PCSK1N: variants seen among roughly 807,000 people sequenced by gnomAD.
The protein encoded by PCSK1N is proprotein convertase subtilisin/kexin type 1 inhibitor, also known as proSAAS.
In PCSK1N, 8 loss-of-function variants were observed where a neutral mutation model predicts 10.6. That is an observed-to-expected ratio of 0.76 (90% CI 0.44 to 1.37). The LOEUF (loss-of-function observed/expected upper bound fraction) is 1.37, where lower values mean the gene tolerates loss of function less well. Among genes scored for constraint, PCSK1N ranks in the 40% most tolerant of loss-of-function variants. The pLI, the probability that PCSK1N is intolerant of heterozygous loss-of-function variation, is 0.00. For missense variants in PCSK1N, 301 were observed against 268.5 expected (o/e 1.12, Z -0.84); for synonymous variants, 143 against 137.1 (o/e 1.04, Z -0.30).
chrX:48,831,967 C>A lies in PCSK1N; in HGVS notation c.489G>T (p.Ala163=). The A allele has an allele frequency of 9.4e-7, 1 of 1,062,316 alleles. No individual in the cohort carries two copies. Among genetic ancestry groups the A allele is most frequent in the Non-Finnish European group, 1.2e-6 (1 of 830,542 alleles). The allele number at this position is 1,062,316 out of a possible 1,213,427, so 87.5% of individuals were successfully genotyped here. The change falls in exon 2 of 3, where the codon GCG becomes GCT. Residue 163 remains alanine, a synonymous_variant. Transcript: ENST00000218230. The part of the protein sequence containing the change: ...QLVPAPVPAA[A]LRPRPPVYDD... ...CGTAGACCGGGGGCCGGGGTCGGAG[C>A]GCCGCGGCGGGGACGGGCGCGGGGA...
rs2063184572 is a variant in PCSK1N, at chrX:48,835,589, C to A, written c.-57G>T. ...GGACTGGCTGGCAAGTGCGCAGTGC[C>A]GGGGCGAGCTGGCGAGGCTGCGGCG... On this transcript the variant is annotated 5_prime_UTR_variant, in exon 1 of 3. Coordinates refer to ENST00000218230, the MANE Select transcript of PCSK1N (RefSeq NM_013271.5). 1 of 508,253 alleles carries A rather than the reference C, an allele frequency of 2.0e-6. No homozygotes were observed. The highest frequency in any genetic ancestry group is 1.1e-4 in the South Asian group (1 of 8,995). 41.9% of individuals were successfully genotyped at this position (508,253 alleles called of 1,213,427 possible). A position where few individuals can be genotyped will look rare whatever the true frequency, so the allele number is the denominator to read the frequency against.
chrX:48,831,907 T>C lies in PCSK1N; in HGVS notation c.549A>G (p.Ala183=), dbSNP rs1557033458. The C allele has an allele frequency of 1.8e-6, 2 of 1,090,276 alleles. No individual in the cohort carries two copies. The highest frequency in any genetic ancestry group is 6.8e-5 in the Admixed American group (2 of 29,562). The allele number at this position is 1,090,276 out of a possible 1,213,427, so 89.9% of individuals were successfully genotyped here. The change falls in exon 2 of 3, where the codon GCA becomes GCG. Residue 183 remains alanine (A), a synonymous_variant. Coordinates refer to ENST00000218230, the MANE Select transcript of PCSK1N (RefSeq NM_013271.5). ...GGTCCACGTCGGGTGTCTCGTCGCCTGCCTCCTCAGCATCCGGGCCCGCGG... is the reference window on the plus strand; with the variant it reads ...GGTCCACGTCGGGTGTCTCGTCGCCCGCCTCCTCAGCATCCGGGCCCGCGG... ...DGPAGPDAEE[A]GDETPDVDPE...
chrX:48,832,517 G>A (rs1189460573), intron 1 of PCSK1N, among the ~76,000 whole-genome samples, 176 bp from the exon 2 acceptor site: 3 of 108,718 alleles, frequency 2.8e-5, no homozygotes, highest in Non-Finnish European at 5.7e-5. Context: ...ATCTCCAGAC[G>A]CACTTAAGAC....
Position 48,831,313 on chromosome X carries a change from G to A in PCSK1N, c.730C>T (p.Arg244Cys). Residue 244 changes from arginine to cysteine, a missense_variant, in exon 3 of 3, where the codon CGC becomes TGC. Coordinates refer to ENST00000218230, the MANE Select transcript of PCSK1N (RefSeq NM_013271.5). The stretch of plus-strand genomic sequence containing the variant: ...ACCTGGGGCGCCGGGGTCTCTAGGC[G>A]TTTCACACGCAGCAGCGCCCCCAGC... ...GVLGALLRVKRLETPAPQVPA... is the reference protein window; with the variant it reads ...GVLGALLRVKCLETPAPQVPA... 1 of 1,176,890 alleles carries A rather than the reference G, an allele frequency of 8.5e-7. No homozygotes were observed. Among genetic ancestry groups the A allele is most frequent in the Non-Finnish European group, 1.1e-6 (1 of 879,662 alleles).
In PCSK1N at chrX:48,832,187, C is replaced by T; in HGVS notation, c.269G>A (p.Arg90Gln). 8.6e-7 allele frequency: 1 copy of T among 1,156,452 alleles called. No homozygotes were observed. Among genetic ancestry groups the T allele is most frequent in the Non-Finnish European group, 1.1e-6 (1 of 874,633 alleles). Reference protein sequence around the residue: ...AHLLEAERQERARAEAQEAED... With the variant: ...AHLLEAERQEQARAEAQEAED... ...AGCCTCCTGCGCCTCGGCCCGCGCC[C>T]GCTCCTGACGTTCGGCCTCCAGCAG... Residue 90 changes from arginine to glutamine, a missense_variant, in exon 2 of 3, where the codon CGG becomes CAG. Coordinates refer to ENST00000218230, the MANE Select transcript of PCSK1N (RefSeq NM_013271.5).
In PCSK1N at chrX:48,831,245, GGATCCGGGCAGT is replaced by G; in HGVS notation, c.*3_*14del. ...GCACTTCTGGGTCCCAGGGTGCACGGGATCCGGGCAGTGCTCAGGGTGGCAAGAGGCGGCGTG... is the reference window on the plus strand; with the variant it reads ...GCACTTCTGGGTCCCAGGGTGCACGGGCTCAGGGTGGCAAGAGGCGGCGTG... On this transcript the variant is annotated 3_prime_UTR_variant, in exon 3 of 3. Transcript: ENST00000218230. The G allele has an allele frequency of 8.6e-7, 1 of 1,160,133 alleles. No individual in the cohort carries two copies. Among genetic ancestry groups the G allele is most frequent in the Non-Finnish European group, 1.2e-6 (1 of 868,764 alleles).
At position 48,831,323 on chromosome X, in the gene PCSK1N, C is replaced by G; in HGVS notation, c.720G>C (p.Leu240=). The G allele has an allele frequency of 8.5e-7, 1 of 1,170,253 alleles. No homozygotes were observed. Among genetic ancestry groups the G allele is most frequent in the Non-Finnish European group, 1.1e-6 (1 of 876,993 alleles). Residue 240 remains leucine, a synonymous_variant, in exon 3 of 3, where the codon CTG becomes CTC. Transcript: ENST00000218230. ...LPPEGVLGAL[L]RVKRLETPAP... is the part of the protein sequence containing the mutation. ...CCGGGGTCTCTAGGCGTTTCACACGCAGCAGCGCCCCCAGCACGCCCTCAG... is the reference window on the plus strand; with the variant it reads ...CCGGGGTCTCTAGGCGTTTCACACGGAGCAGCGCCCCCAGCACGCCCTCAG...
Position 48,833,227 on chromosome X carries a change from C to CA in PCSK1N, c.115-887dup, listed in dbSNP as rs34444676. 1.5e-4 allele frequency among the ~76,000 whole-genome samples: 17 copies of CA among 110,229 alleles called. No homozygotes were observed. The East Asian group carries it at 2.8e-3, about 18-fold the overall frequency. ...ACCCTGTCTCTACAAAAAATAAAAC[C>CA]AAAAAAAATGAGCGGGGCACAAGCC... On this transcript the variant is annotated intron_variant, in intron 1 of 2. Transcript: ENST00000218230.
Position 48,832,378 on chromosome X carries a change from G to A in PCSK1N, c.115-37C>T. 3 of 1,048,479 alleles carry A rather than the reference G, an allele frequency of 2.9e-6. No individual in the cohort carries two copies. The South Asian group carries it at 7.0e-5, about 24-fold the overall frequency. 86.4% of individuals were successfully genotyped at this position (1,048,479 alleles called of 1,213,427 possible). On this transcript the variant is annotated intron_variant, in intron 1 of 2. Transcript: ENST00000218230. Reference sequence around the variant, plus strand: ...TGAGGTGGGGGAAAAGAGTTTGTCAGCGTCCGTCGAGACAGGGACCCCCAG... The same window carrying A: ...TGAGGTGGGGGAAAAGAGTTTGTCAACGTCCGTCGAGACAGGGACCCCCAG...
intron 1 of PCSK1N, 39 bp from the exon 2 acceptor site, chrX:48,832,380 G>A: frequency 3.9e-6 from 4 of 1,038,659 alleles, no homozygotes; most frequent in South Asian, 2.3e-5. Flanking sequence ...GTTTGTCAGC[G>A]TCCGTCGAGA....
chrX:48,834,342 A>C (rs782433368), intron 1 of PCSK1N, among the ~76,000 whole-genome samples: 2 of 111,139 alleles, frequency 1.8e-5, no homozygotes, highest in Admixed American at 9.6e-5. Flanking sequence ...GACAGTATTG[A>C]AGAGCTAGAG....
chrX:48,833,709 G>A (rs1296198792), intron 1 of PCSK1N, among the ~76,000 whole-genome samples: 1 of 111,892 alleles, frequency 8.9e-6, no homozygotes, highest in Non-Finnish European at 1.9e-5. Context: ...AGCACTGTTC[G>A]TAATAGCATA....
Position 48,832,166 on chromosome X carries a change from T to A in PCSK1N, c.290A>T (p.Glu97Val). ...RQERARAEAQ[E>V]AEDQQARVLA... ...GACGCGCGCCTGCTGATCCTCAGCC[T>A]CCTGCGCCTCGGCCCGCGCCCGCTC... The change falls in exon 2 of 3, where the codon GAG becomes GTG. Residue 97 changes from glutamate (E) to valine (V), a missense_variant. Physicochemically the swap from Glu to Val is moderately radical, Grantham distance 121. Transcript: ENST00000218230. The A allele has an allele frequency of 5.2e-6, 6 of 1,149,267 alleles. No homozygotes were observed. Among genetic ancestry groups the A allele is most frequent in the Non-Finnish European group, 6.9e-6 (6 of 871,751 alleles). The allele number at this position is 1,149,267 out of a possible 1,213,427, so 94.7% of individuals were successfully genotyped here.
At position 48,832,413 on chromosome X, in the gene PCSK1N, C is replaced by A; in HGVS notation, c.115-72G>T. The A allele has an allele frequency of 6.0e-6, 5 of 840,169 alleles. No individual in the cohort carries two copies. The South Asian group carries it at 1.1e-4, about 19-fold the overall frequency. The allele number at this position is 840,169 out of a possible 1,213,427, so 69.2% of individuals were successfully genotyped here. On this transcript the variant is annotated intron_variant, in intron 1 of 2. Coordinates refer to ENST00000218230, the MANE Select transcript of PCSK1N (RefSeq NM_013271.5). Reference sequence around the variant, plus strand: ...AGACAGGGACCCCCAGCCCGGGAAGCTTCGTAGGCCTCAAACATCCCAGAT... The same window carrying A: ...AGACAGGGACCCCCAGCCCGGGAAGATTCGTAGGCCTCAAACATCCCAGAT...
intron 1 of PCSK1N, among the ~76,000 whole-genome samples, chrX:48,833,887 A>T (rs1338309483): frequency 1.8e-5 from 2 of 111,414 alleles, no homozygotes; most frequent in Non-Finnish European, 3.8e-5. Flanking sequence ...TGACCAGAAT[A>T]GAGCCAAGGG....
chrX:48,831,277 G>A lies in PCSK1N; in HGVS notation c.766C>T (p.Arg256Cys). The change falls in exon 3 of 3, where the codon CGC (arginine) becomes TGC (cysteine). Residue 256 changes from arginine (R) to cysteine (C), a missense_variant. Arg to Cys is a radical substitution (Grantham distance 180). Coordinates refer to ENST00000218230, the MANE Select transcript of PCSK1N (RefSeq NM_013271.5). ...ETPAPQVPAR[R>C]LLPP The stretch of plus-strand genomic sequence containing the variant: ...GGCAGTGCTCAGGGTGGCAAGAGGC[G>A]GCGTGCAGGCACCTGGGGCGCCGGG... The A allele has an allele frequency of 8.4e-7, 1 of 1,184,136 alleles. No homozygotes were observed. The highest frequency in any genetic ancestry group is 1.8e-5 in the South Asian group (1 of 54,334).
At position 48,831,892 on chromosome X, in the gene PCSK1N, G is replaced by A. The variant is rs1327855059; in HGVS notation, c.564C>T (p.Pro188=). 1.8e-6 allele frequency: 2 copies of A among 1,087,772 alleles called. No individual in the cohort carries two copies. Among genetic ancestry groups the A allele is most frequent in the Non-Finnish European group, 2.4e-6 (2 of 841,444 alleles). 89.6% of individuals were successfully genotyped at this position (1,087,772 alleles called of 1,213,427 possible). The change falls in exon 2 of 3, where the codon CCC becomes CCT. Residue 188 remains proline, a synonymous_variant. Transcript: ENST00000218230. ...PDAEEAGDET[P]DVDPELLRYL... ...ACCTCAACAGCTCGGGGTCCACGTC[G>A]GGTGTCTCGTCGCCTGCCTCCTCAG... is the stretch of plus-strand genomic sequence containing the variant.
chrX:48,835,561 G>A lies in PCSK1N; in HGVS notation c.-29C>T, dbSNP rs894640707. The A allele has an allele frequency of 1.4e-6, 1 of 717,483 alleles. No individual in the cohort carries two copies. The highest frequency in any genetic ancestry group is 1.8e-6 in the Non-Finnish European group (1 of 559,375). 59.1% of individuals were successfully genotyped at this position (717,483 alleles called of 1,213,427 possible). On this transcript the variant is annotated 5_prime_UTR_variant, in exon 1 of 3. Coordinates refer to ENST00000218230, the MANE Select transcript of PCSK1N (RefSeq NM_013271.5). ...GCCCCAGCGAGCCGGGCTCCGGACG[G>A]GCGGACTGGCTGGCAAGTGCGCAGT... is the stretch of plus-strand genomic sequence containing the variant.
chrX:48,833,771 A>C (rs781846737), intron 1 of PCSK1N, among the ~76,000 whole-genome samples: 20 of 111,963 alleles, frequency 1.8e-4, no homozygotes, highest in Non-Finnish European at 3.4e-4. Context: ...TCCACTGACA[A>C]ATTGAGAATA....
Sources: gnomAD v4.1 joint callset for allele counts (sites outside exome capture counted in the v4.1 genomes callset) on GRCh38, gnomAD v4.1.1 for gene constraint, MANE v1.5 for transcripts, NCBI Gene and HGNC (gene_info 2026-07-23, HGNC 2026-07-21) for gene names.